PHACTR2: variants seen among roughly 807,000 people sequenced by gnomAD.
The protein encoded by PHACTR2 is chromosome 6 open reading frame 56.
In PHACTR2, 30 loss-of-function variants were observed where a neutral mutation model predicts 76.0. That is an observed-to-expected ratio of 0.39 (90% confidence interval 0.30 to 0.54). The LOEUF (loss-of-function observed/expected upper bound fraction) is 0.54, where lower values mean the gene tolerates loss of function less well. Ranked by LOEUF, PHACTR2 falls within the 20% of genes least tolerant of loss-of-function variation. The pLI, the probability that PHACTR2 is intolerant of heterozygous loss-of-function variation, is 0.61. For synonymous variants in PHACTR2, 292 were observed against 292.5 expected, an observed-to-expected ratio of 1.00 and a Z score of 0.02; for missense variants, 696 against 781.1, an observed-to-expected ratio of 0.89 and a Z score of 1.30.
rs1776786439 is a variant in PHACTR2 at position 143,652,754 on chromosome 6, A to G, written c.13+44432A>G. 6.6e-6 allele frequency among the ~76,000 whole-genome samples: 1 copy of G among 152,222 alleles called. No individual in the cohort carries two copies. The highest frequency in any genetic ancestry group is 2.1e-4 in the South Asian group (1 of 4,832). On this transcript the variant is annotated intron_variant, in intron 1 of 11. Transcript: ENST00000305766. This position sits in a 1 kb window ranked among gnomAD's most constrained non-coding sequence, Gnocchi z 4.5. ...CACCCAGGGGCTGAAATAAGGCGGA[A>G]TGCCCACCTGGAGATAAGTCTTGGC...
rs755582503 is a variant in PHACTR2, at chr6:143,765,748, C to T, written c.1182C>T (p.Thr394=). 45 of 1,614,070 alleles carry T rather than the reference C, an allele frequency of 2.8e-5. No homozygotes were observed. The Admixed American group carries it at 6.2e-4, about 22-fold the overall frequency. The change falls in exon 6 of 13, where the codon ACC becomes ACT. Residue 394 remains threonine (T), a synonymous_variant. Coordinates refer to ENST00000440869, the MANE Select transcript of PHACTR2 (RefSeq NM_001100164.2). The surrounding 1 kb of genome is among the most constrained non-coding windows in gnomAD (Gnocchi z 4.1). ...GGGCTGAAGAGCCGACGAACAGAACCACTCTCTACTCAGGCACTGGCTTAA... is the reference window on the plus strand; with the variant it reads ...GGGCTGAAGAGCCGACGAACAGAACTACTCTCTACTCAGGCACTGGCTTAA... ...LLWAEEPTNR[T]TLYSGTGLSV...
intron 12 of PHACTR2, among the ~76,000 whole-genome samples, chr6:143,814,161 G>C (rs1776247930): frequency 6.6e-6 from 1 of 152,164 alleles, no homozygotes; most frequent in Non-Finnish European, 1.5e-5. Context: ...TTCGAGACGA[G>C]CTTGGCCAAC....
rs1779403539 is a variant in PHACTR2 at position 143,760,277 on chromosome 6, A to G, written c.455-124A>G. 1.2e-6 allele frequency: 1 copy of G among 815,440 alleles called. No individual in the cohort carries two copies. The highest frequency in any genetic ancestry group is 1.9e-6 in the Non-Finnish European group (1 of 518,066). 50.5% of individuals were successfully genotyped at this position (815,440 alleles called of 1,614,324 possible). A position where few individuals can be genotyped will look rare whatever the true frequency, so the allele number is the denominator to read the frequency against. ...TAAACTGTGCTCTGTCTGGTGCAGAACTCCATGCTGATTCTCAAGTACCAA... is the reference window on the plus strand; with the variant it reads ...TAAACTGTGCTCTGTCTGGTGCAGAGCTCCATGCTGATTCTCAAGTACCAA... On this transcript the variant is annotated intron_variant, in intron 4 of 12. Transcript: ENST00000440869. The surrounding 1 kb of genome is among the most constrained non-coding windows in gnomAD (Gnocchi z 6.4).
chr6:143,601,850 TC>T (rs1775817694), intron 1 of PHACTR2, among the ~76,000 whole-genome samples: 1 of 152,176 alleles, frequency 6.6e-6, no homozygotes, highest in African/African-American at 2.4e-5. Flanking sequence ...CAGTGGAAGG[TC>T]TTTTTTGTTT....
Position 143,827,155 on chromosome 6 carries a change from A to AATATATATATAAT in PHACTR2, c.*3477_*3478insATATATATATATA, listed in dbSNP as rs1776550618. On this transcript the variant is annotated 3_prime_UTR_variant, in exon 13 of 13. Coordinates refer to ENST00000440869, the MANE Select transcript of PHACTR2 (RefSeq NM_001100164.2). Reference sequence around the variant, plus strand: ...GGGCTGCGTTGGCATTAAAAAAGAAAATATATATATATATATATATATATA... The same window carrying AATATATATATAAT: ...GGGCTGCGTTGGCATTAAAAAAGAAAATATATATATAATATATATATATATATATATATATATA... The AATATATATATAAT allele has an allele frequency of 1.3e-5, 1 of 77,232 alleles. No homozygotes were observed. Among genetic ancestry groups the AATATATATATAAT allele is most frequent in the Non-Finnish European group, 2.4e-5 (1 of 41,048 alleles). The allele number at this position is 77,232 out of a possible 1,614,324, so 4.8% of individuals were successfully genotyped here. A position where few individuals can be genotyped will look rare whatever the true frequency, so the allele number is the denominator to read the frequency against.
rs1339862247 is a variant in PHACTR2, at chr6:143,595,276, G to T, written c.217+58069G>T. Among the ~76,000 whole-genome samples the T allele has an allele frequency of 6.6e-6, 1 of 152,228 alleles. No individual in the cohort carries two copies. The highest frequency in any genetic ancestry group is 2.1e-4 in the South Asian group (1 of 4,832). ...ACACACTAAAGGCTAATTAGGTAAA[G>T]GGAGAAGTGTACATGACAGGTTTCT... On this transcript the variant is annotated intron_variant, in intron 1 of 11. Transcript: ENST00000367584. The surrounding 1 kb of genome is among the most constrained non-coding windows in gnomAD (Gnocchi z 4.2).
At chr6:143,716,370 G>C (rs745669376) in intron 2 of PHACTR2, among the ~76,000 whole-genome samples, 9 of 152,144 alleles carry the variant, frequency 5.9e-5, no homozygotes, top group Non-Finnish European at 1.3e-4. Context: ...TGGTCACCCA[G>C]GCTGGTGTGC....
Position 143,767,650 on chromosome 6 carries a change from T to A in PHACTR2, c.1232+1852T>A, listed in dbSNP as rs1312719881. On this transcript the variant is annotated intron_variant, in intron 6 of 12. Coordinates refer to ENST00000440869, the MANE Select transcript of PHACTR2 (RefSeq NM_001100164.2). This position sits in a 1 kb window ranked among gnomAD's most constrained non-coding sequence, Gnocchi z 4.4. ...TCAAGGCAGCAGCATTTGGCAAGGA[T>A]CTTCTTTCCATGTCATCACATGGTG... 6.6e-6 allele frequency among the ~76,000 whole-genome samples: 1 copy of A among 152,142 alleles called. No homozygotes were observed. The highest frequency in any genetic ancestry group is 1.5e-5 in the Non-Finnish European group (1 of 68,026).
At position 143,830,253 on chromosome 6, in the gene PHACTR2, G is replaced by C. The variant is rs1776636750; in HGVS notation, c.*6564G>C. 1 of 150,748 alleles carries C rather than the reference G, an allele frequency of 6.6e-6. No homozygotes were observed. The highest frequency in any genetic ancestry group is 1.5e-5 in the Non-Finnish European group (1 of 67,862). The allele number at this position is 150,748 out of a possible 1,614,324, so 9.3% of individuals were successfully genotyped here. A position where few individuals can be genotyped will look rare whatever the true frequency, so the allele number is the denominator to read the frequency against. On this transcript the variant is annotated 3_prime_UTR_variant, in exon 13 of 13. Coordinates refer to ENST00000440869, the MANE Select transcript of PHACTR2 (RefSeq NM_001100164.2). ...ATTTACACCAATTTCACCAGATTTA[G>C]GACCTATTAAAAATTCAAACAAGTT... is the stretch of plus-strand genomic sequence containing the variant.
At chr6:143,577,676 C>T (rs1019026535) in intron 1 of PHACTR2, among the ~76,000 whole-genome samples, 2 of 152,032 alleles carry the variant, frequency 1.3e-5, no homozygotes, top group Non-Finnish European at 2.9e-5. Flanking sequence ...GAACTACAGC[C>T]TCTAAACAGT....
At chr6:143,790,735 T>G (rs1208516026) in intron 11 of PHACTR2, among the ~76,000 whole-genome samples, 12 of 151,450 alleles carry the variant, frequency 7.9e-5, no homozygotes, top group Admixed American at 2.6e-4. Flanking sequence ...GTGCTGTGGC[T>G]CGATCTCAGC....
intron 2 of PHACTR2, among the ~76,000 whole-genome samples, chr6:143,735,964 G>T (rs1315155747): frequency 6.6e-6 from 1 of 151,976 alleles, no homozygotes; most frequent in African/African-American, 2.4e-5. Context: ...AAGATATGTG[G>T]GTATTAATAA....
Position 143,783,430 on chromosome 6 carries a change from G to A in PHACTR2, c.1707+150G>A, listed in dbSNP as rs1373108086. 3.9e-6 allele frequency: 2 copies of A among 508,840 alleles called. No individual in the cohort carries two copies. The highest frequency in any genetic ancestry group is 7.0e-6 in the Non-Finnish European group (2 of 284,260). The allele number at this position is 508,840 out of a possible 1,614,324, so 31.5% of individuals were successfully genotyped here. On this transcript the variant is annotated intron_variant, in intron 10 of 12. Coordinates refer to ENST00000440869, the MANE Select transcript of PHACTR2 (RefSeq NM_001100164.2). This position sits in a 1 kb window ranked among gnomAD's most constrained non-coding sequence, Gnocchi z 5.2. ...CATAGACATCAAAATCACAAGCCTG[G>A]GCAACATGGTGAAACCCTAGCTCTA...
chr6:143,761,767 C>T lies in PHACTR2; in HGVS notation c.694+1127C>T, dbSNP rs1380349306. On this transcript the variant is annotated intron_variant, in intron 5 of 12. Transcript: ENST00000440869. This position sits in a 1 kb window ranked among gnomAD's most constrained non-coding sequence, Gnocchi z 5.2. ...AGACTCCATCTCAAAAAAAAAAAAT[C>T]TATTTTCCTTAAAATCAACAGCAAC... Among the ~76,000 whole-genome samples, 1 of 151,956 alleles carries T rather than the reference C, an allele frequency of 6.6e-6. No individual in the cohort carries two copies. Among genetic ancestry groups the T allele is most frequent in the Non-Finnish European group, 1.5e-5 (1 of 67,974 alleles).
At chr6:143,687,618 G>T (rs568267762) in intron 1 of PHACTR2, among the ~76,000 whole-genome samples, 1 of 152,150 alleles carries the variant, frequency 6.6e-6, no homozygotes, top group African/African-American at 2.4e-5. Context: ...TTGCTAAAAG[G>T]TCGGTCTAAC....
chr6:143,788,049 A>C (rs1479337226), intron 10 of PHACTR2, among the ~76,000 whole-genome samples: 1 of 152,232 alleles, frequency 6.6e-6, no homozygotes, highest in African/African-American at 2.4e-5. Flanking sequence ...CCAGAAAGAA[A>C]AGCAATATAA....
rs1778904221 is a variant in PHACTR2, at chr6:143,739,978, A to G, written c.215-9007A>G. Reference sequence around the variant, plus strand: ...GTTCTTGGATCTCGGACAAGAAAGAATTCAGGGGGAGTCCATAAAGTGAAG... The same window carrying G: ...GTTCTTGGATCTCGGACAAGAAAGAGTTCAGGGGGAGTCCATAAAGTGAAG... On this transcript the variant is annotated intron_variant, in intron 2 of 12. Transcript: ENST00000440869. This position sits in a 1 kb window ranked among gnomAD's most constrained non-coding sequence, Gnocchi z 4.3. Among the ~76,000 whole-genome samples the G allele has an allele frequency of 6.6e-6, 1 of 152,226 alleles. No individual in the cohort carries two copies. The highest frequency in any genetic ancestry group is 6.5e-5 in the Admixed American group (1 of 15,288).
chr6:143,760,377 T>C lies in PHACTR2; in HGVS notation c.455-24T>C. 1 of 1,588,298 alleles carries C rather than the reference T, an allele frequency of 6.3e-7. No homozygotes were observed. The highest frequency in any genetic ancestry group is 8.6e-7 in the Non-Finnish European group (1 of 1,166,722). On this transcript the variant is annotated intron_variant, in intron 4 of 12. Transcript: ENST00000440869. The surrounding 1 kb of genome is among the most constrained non-coding windows in gnomAD (Gnocchi z 6.4). ...ATGGTGTGTGTCTGTATCAGTCTGC[T>C]TCTGTTCACTTTCTCGTTTATAGAG...
At chr6:143,564,263 A>T (rs1775330565) in intron 1 of PHACTR2, among the ~76,000 whole-genome samples, 1 of 131,156 alleles carries the variant, frequency 7.6e-6, no homozygotes, top group Non-Finnish European at 1.6e-5. Flanking sequence ...TAACCTTGGC[A>T]ACAGAGTGAG....
Sources: gnomAD v4.1 joint callset for allele counts (sites outside exome capture counted in the v4.1 genomes callset) on GRCh38, gnomAD v4.1.1 for gene constraint, Gnocchi (gnomAD v3.1) non-coding constraint, MANE v1.5 for transcripts, NCBI Gene and HGNC (gene_info 2026-07-23, HGNC 2026-07-21) for gene names.